The following ICE2 variants were observed in gnomAD, a reference collection of about 807,000 sequenced individuals.
ICE2 encodes the protein little elongation complex subunit 2.
Under a neutral mutation model 105.4 loss-of-function variants are expected in ICE2, and 87 were observed. The ratio of observed to expected loss-of-function variants is 0.83; its 90% CI spans 0.69 to 0.99. ICE2 has a LOEUF of 0.99. Among genes scored for constraint, ICE2 ranks in the 50% least tolerant of loss-of-function variants. ICE2 has a pLI of 0.00. For synonymous variants in ICE2, 399 were observed against 392.0 expected (o/e 1.02, Z -0.21); for missense variants, 1,323 against 1,146.7 (o/e 1.15, Z -2.22).
chr15:60,468,084 T>C lies in ICE2; in HGVS notation c.385A>G (p.Lys129Glu), dbSNP rs755994336. The part of the protein sequence containing the change: ...PANSKAVGIN[K>E]NDYLQYLDMK... ...ACCAAGTACTGCAAGTAGTCATTTT[T>C]ATTTATTCCAACAGCTTTGGAATTT... is the stretch of plus-strand genomic sequence containing the variant. The change falls in exon 4 of 16, where the codon AAA becomes GAA. Residue 129 changes from lysine (K) to glutamate (E), a missense_variant. Physicochemically the swap from Lys to Glu is moderately conservative, Grantham distance 56. Coordinates refer to ENST00000261520, the MANE Select transcript of ICE2 (RefSeq NM_024611.6). 3 of 1,613,074 alleles carry C rather than the reference T, an allele frequency of 1.9e-6. No homozygotes were observed. Among genetic ancestry groups the C allele is most frequent in the South Asian group, 2.2e-5 (2 of 90,690 alleles).
In ICE2 at chr15:60,448,907, G is replaced by GCC. The variant is rs1163022848; in HGVS notation, c.2059_2060insGG (p.Ser687TrpfsTer38). On this transcript the variant is annotated frameshift_variant, in exon 10 of 16. Coordinates refer to ENST00000261520, the MANE Select transcript of ICE2 (RefSeq NM_024611.6). LOFTEE classifies it high-confidence loss of function. ...AGATTTCGGCCAACTAGAGGAGTCT[G>GCC]AAGGACCAGACAATTGCTCAGAAAC... 1 of 1,613,352 alleles carries GCC rather than the reference G, an allele frequency of 6.2e-7. No homozygotes were observed. The highest frequency in any genetic ancestry group is 8.5e-7 in the Non-Finnish European group (1 of 1,179,774).
intron 14 of ICE2, among the ~76,000 whole-genome samples, chr15:60,429,782 T>C (rs887852925): frequency 6.6e-6 from 1 of 152,186 alleles, no homozygotes; most frequent in Non-Finnish European, 1.5e-5. Flanking sequence ...TATTTCCATA[T>C]AAAGAAATGA....
At chr15:60,448,804 A>T in intron 10 of ICE2, 44 bp downstream of exon 10, 1 of 1,506,212 alleles carries the variant, frequency 6.6e-7, no homozygotes, top group Non-Finnish European at 8.9e-7. Context: ...CTAAGGAAAA[A>T]GAACAAGTAA....
chr15:60,453,701 G>C lies in ICE2; in HGVS notation c.1027C>G (p.His343Asp). Residue 343 changes from histidine to aspartate, a missense_variant, in exon 9 of 16, where the codon CAT (histidine) becomes GAT (aspartate). Transcript: ENST00000261520. ...MTMRERNQIF[H>D]EVPLKFMMSK... is the part of the protein sequence containing the mutation. ...ATCATAAATTTTAATGGAACTTCAT[G>C]AAAGATTTGATTTCTCTCTCTCATA... is the stretch of plus-strand genomic sequence containing the variant. 1 of 1,611,822 alleles carries C rather than the reference G, an allele frequency of 6.2e-7. No homozygotes were observed. The highest frequency in any genetic ancestry group is 8.5e-7 in the Non-Finnish European group (1 of 1,178,008).
chr15:60,462,076 T>A (rs74020704), intron 5 of ICE2, among the ~76,000 whole-genome samples: 3,283 of 152,312 alleles, frequency 0.022, 123 homozygotes, highest in African/African-American at 0.076. Flanking sequence ...CTAATTTTTT[T>A]AAAAGTGGTA....
chr15:60,468,405 G>C (rs1190019181), intron 3 of ICE2, 83 bp from the exon 4 acceptor site: 19 of 1,073,518 alleles, frequency 1.8e-5, no homozygotes, highest in Non-Finnish European at 2.6e-5. Flanking sequence ...TCAATCACCA[G>C]GGAGAATATA....
At chr15:60,424,564 T>C (rs868477461) in intron 15 of ICE2, among the ~76,000 whole-genome samples, 17 of 152,222 alleles carry the variant, frequency 1.1e-4, no homozygotes, top group South Asian at 6.2e-4. Flanking sequence ...TGGAGGACAG[T>C]TGGCGCGATC....
chr15:60,442,602 T>C (rs1595765258), intron 11 of ICE2, 57 bp from the exon 12 acceptor site: 6 of 1,357,708 alleles, frequency 4.4e-6, no homozygotes, highest in African/African-American at 2.9e-5. Flanking sequence ...TAATAGCAAA[T>C]ACATTTGCCT....
At chr15:60,467,726 A>G (rs1346432469) in intron 4 of ICE2, among the ~76,000 whole-genome samples, 2 of 152,242 alleles carry the variant, frequency 1.3e-5, no homozygotes, top group Non-Finnish European at 1.5e-5. Context: ...ATTTTGCTAC[A>G]AAGATGTTCA....
chr15:60,465,522 T>G (rs1416076015), intron 5 of ICE2, among the ~76,000 whole-genome samples: 1 of 152,196 alleles, frequency 6.6e-6, no homozygotes, highest in African/African-American at 2.4e-5. Flanking sequence ...ACACTCCTGC[T>G]GTCCTTCAAC....
intron 9 of ICE2, chr15:60,452,835 C>T (rs887621697): frequency 1.1e-5 from 11 of 982,736 alleles, no homozygotes; most frequent in Admixed American, 1.2e-4. Context: ...GTAATCTGCC[C>T]GAGGTCACAT....
intron 14 of ICE2, among the ~76,000 whole-genome samples, chr15:60,431,142 G>C (rs1355110755): frequency 6.6e-6 from 1 of 151,666 alleles, no homozygotes; most frequent in Non-Finnish European, 1.5e-5. Context: ...AAAGTGCTGG[G>C]ATTACAGGCG....
intron 5 of ICE2, 111 bp from the exon 6 acceptor site, chr15:60,456,905 T>A: frequency 2.0e-6 from 1 of 509,774 alleles, no homozygotes. Context: ...TTAGCCCGAT[T>A]TCATTAATCA....
rs752624249 is a variant in ICE2, at chr15:60,448,031, C to T, written c.2234G>A (p.Arg745His). 70 of 1,613,720 alleles carry T rather than the reference C, an allele frequency of 4.3e-5. No individual in the cohort carries two copies. The highest frequency in any genetic ancestry group is 5.7e-5 in the Non-Finnish European group (67 of 1,179,848). Residue 745 changes from arginine (R) to histidine (H), a missense_variant, in exon 11 of 16, where the codon CGC (arginine) becomes CAC (histidine). Coordinates refer to ENST00000261520, the MANE Select transcript of ICE2 (RefSeq NM_024611.6). The part of the protein sequence containing the change: ...FSLQDLLLLV[R>H]CSVQRIETRP... ...TGTCTCTATCCTCTGGACACTGCAG[C>T]GTACGAGTAACAACAGGTCTTGCAG...
intron 12 of ICE2, chr15:60,441,319 C>T (rs1028694829): frequency 2.6e-5 from 4 of 152,134 alleles, no homozygotes; most frequent in African/African-American, 9.7e-5. Flanking sequence ...AATCAATTAT[C>T]TACTTAATAC....
At chr15:60,445,915 A>G (rs530943904) in intron 11 of ICE2, 37 of 268,778 alleles carry the variant, frequency 1.4e-4, no homozygotes, top group African/African-American at 8.0e-4. Flanking sequence ...AATACAATCT[A>G]TAGGACTGAT....
At chr15:60,428,095 T>A (rs930837747) in intron 15 of ICE2, among the ~76,000 whole-genome samples, 2 of 152,136 alleles carry the variant, frequency 1.3e-5, no homozygotes, top group African/African-American at 4.8e-5. Flanking sequence ...AAACCCAGTA[T>A]ATATAAATAA....
rs149860653 is a variant in ICE2, at chr15:60,471,011, T to C, written c.147-2689A>G. Among the ~76,000 whole-genome samples, 11 of 152,306 alleles carry C rather than the reference T, an allele frequency of 7.2e-5. No individual in the cohort carries two copies. The East Asian group carries it at 1.9e-3, about 27-fold the overall frequency. ...CATTCCATCCAAAACTACTACTGAT[T>C]AGTTTTAAATTAACTTTATAATACT... On this transcript the variant is annotated intron_variant, in intron 3 of 15. Coordinates refer to ENST00000261520, the MANE Select transcript of ICE2 (RefSeq NM_024611.6).
chr15:60,425,673 G>A (rs975496849), intron 15 of ICE2, among the ~76,000 whole-genome samples: 2 of 152,146 alleles, frequency 1.3e-5, no homozygotes, highest in Non-Finnish European at 2.9e-5. Context: ...GTGACTATGG[G>A]ATCACATTAG....
Sources: gnomAD v4.1 joint callset for allele counts (sites outside exome capture counted in the v4.1 genomes callset) on GRCh38, gnomAD v4.1.1 for gene constraint, MANE v1.5 for transcripts, NCBI Gene and HGNC (gene_info 2026-07-23, HGNC 2026-07-21) for gene names.